Variants in DYTN observed in about 807,000 individuals in gnomAD.
The protein encoded by DYTN is dystrotelin.
A neutral mutation model predicts 69.6 loss-of-function variants in DYTN; 75 were observed. That is an observed-to-expected ratio of 1.08 (90% CI 0.89 to 1.31). The LOEUF (loss-of-function observed/expected upper bound fraction) is 1.31. Among genes scored for constraint, DYTN ranks in the 50% most tolerant of loss-of-function variants. The pLI is 0.00. For missense variants in DYTN, 726 were observed against 688.4 expected (o/e 1.05, Z -0.61); for synonymous variants, 252 against 249.1 (o/e 1.01, Z -0.11).
At chr2:206,664,726 C>T (rs1036049566) in intron 10 of DYTN, among the ~76,000 whole-genome samples, 1 of 152,180 alleles carries the variant, frequency 6.6e-6, no homozygotes, top group East Asian at 1.9e-4. Flanking sequence ...GGAAAACTTG[C>T]ATCCTACCAC....
At chr2:206,662,131 A>G (rs759094497) in intron 11 of DYTN, among the ~76,000 whole-genome samples, 20 of 152,178 alleles carry the variant, frequency 1.3e-4, no homozygotes, top group Non-Finnish European at 2.8e-4. Flanking sequence ...GATATATTCA[A>G]CACTTTATTA....
chr2:206,663,605 C>A (rs1280428551), intron 10 of DYTN, among the ~76,000 whole-genome samples: 1 of 152,072 alleles, frequency 6.6e-6, no homozygotes, highest in East Asian at 1.9e-4. Flanking sequence ...AGCTCAGATT[C>A]TAAAATAACA....
chr2:206,707,714 G>A (rs1353369346), intron 2 of DYTN, among the ~76,000 whole-genome samples: 3 of 152,114 alleles, frequency 2.0e-5, no homozygotes, highest in Non-Finnish European at 2.9e-5. Context: ...ATTTTGGAAA[G>A]GTGCATCTGT....
chr2:206,665,273 CAT>C (rs1267327332), intron 10 of DYTN, among the ~76,000 whole-genome samples: 1 of 152,060 alleles, frequency 6.6e-6, no homozygotes, highest in African/African-American at 2.4e-5. Flanking sequence ...TTTAGAAAAA[CAT>C]ATTGTTTAAA....
Position 206,693,402 on chromosome 2 carries a change from C to A in DYTN, c.832-79G>T. The A allele has an allele frequency of 2.0e-6, 3 of 1,504,060 alleles. No individual in the cohort carries two copies. In the South Asian group the frequency reaches 3.8e-5, roughly 19 times the overall value. The allele number at this position is 1,504,060 out of a possible 1,614,324, so 93.2% of individuals were successfully genotyped here. On this transcript the variant is annotated intron_variant, in intron 8 of 11. Coordinates refer to ENST00000452335, the MANE Select transcript of DYTN (RefSeq NM_001093730.1). ...TTCCTTCCTTACTTGGATGGACTGG[C>A]CACCATGAAAGTTTTTGGAATTATT...
intron 9 of DYTN, among the ~76,000 whole-genome samples, chr2:206,691,751 A>G (rs1278987052): frequency 1.3e-5 from 2 of 152,198 alleles, no homozygotes; most frequent in East Asian, 3.9e-4. Context: ...TGTGTACTTT[A>G]TCCTTTAAAG....
intron 9 of DYTN, among the ~76,000 whole-genome samples, chr2:206,692,436 C>T (rs1699875334): frequency 1.3e-5 from 2 of 152,050 alleles, no homozygotes; most frequent in South Asian, 4.2e-4. Flanking sequence ...CCCTCTGGAG[C>T]ACAATTTGGC....
chr2:206,709,321 C>T (rs967311444), intron 2 of DYTN, among the ~76,000 whole-genome samples: 5 of 152,084 alleles, frequency 3.3e-5, no homozygotes, highest in African/African-American at 1.2e-4. Flanking sequence ...TGGTGGCTCA[C>T]GCCTGTGGTC....
intron 9 of DYTN, 54 bp downstream of exon 9, chr2:206,693,121 C>A (rs2105897303): frequency 6.5e-7 from 1 of 1,545,234 alleles, no homozygotes; most frequent in East Asian, 2.4e-5. Context: ...ACCATAACAC[C>A]CAGGGCCCTT....
At chr2:206,669,480 T>C (rs913391747) in intron 9 of DYTN, among the ~76,000 whole-genome samples, 1 of 152,204 alleles carries the variant, frequency 6.6e-6, no homozygotes, top group Non-Finnish European at 1.5e-5. Flanking sequence ...GCTTCATGTT[T>C]TATTTCATTC....
chr2:206,653,111 C>T (rs1699406676), intron 11 of DYTN, among the ~76,000 whole-genome samples: 1 of 152,094 alleles, frequency 6.6e-6, no homozygotes, highest in South Asian at 2.1e-4. Context: ...AATACCGCTC[C>T]AGAGGACCTT....
intron 1 of DYTN, among the ~76,000 whole-genome samples, chr2:206,717,078 A>ACACACACAC (rs572773145): frequency 6.0e-5 from 9 of 148,962 alleles, no homozygotes; most frequent in East Asian, 4.0e-4. Context: ...ACACACACAC[A>ACACACACAC]AAACAAACTC....
intron 9 of DYTN, among the ~76,000 whole-genome samples, chr2:206,669,042 G>A (rs1246773181): frequency 1.3e-5 from 2 of 152,176 alleles, no homozygotes; most frequent in Non-Finnish European, 2.9e-5. Flanking sequence ...CCAGTCTCAG[G>A]CGTTTCTTCA....
intron 9 of DYTN, among the ~76,000 whole-genome samples, chr2:206,675,217 G>A (rs145412084): frequency 0.14 from 20,021 of 144,468 alleles, 2,327 homozygotes; most frequent in African/African-American, 0.31. Flanking sequence ...GTATTTAAGT[G>A]TATTTAAATA....
In DYTN at chr2:206,665,862, T is replaced by C; in HGVS notation, c.1140+8A>G. On this transcript the variant is annotated splice_region_variant and intron_variant, in intron 10 of 11. Coordinates refer to ENST00000452335, the MANE Select transcript of DYTN (RefSeq NM_001093730.1). ...GTCCAGATGGCCAGTGTCCCTCACA[T>C]TTTATACCTGTAGGTCCCGTCTTAT... 6.2e-7 allele frequency: 1 copy of C among 1,613,078 alleles called. No homozygotes were observed. The highest frequency in any genetic ancestry group is 8.5e-7 in the Non-Finnish European group (1 of 1,179,482).
chr2:206,653,848 T>C (rs1056234286), intron 11 of DYTN, among the ~76,000 whole-genome samples: 2 of 152,184 alleles, frequency 1.3e-5, no homozygotes, highest in African/African-American at 4.8e-5. Flanking sequence ...GCTTTCCCCA[T>C]TGCAGTAAGT....
At chr2:206,714,631 C>T (rs553091220) in intron 1 of DYTN, among the ~76,000 whole-genome samples, 1 of 152,324 alleles carries the variant, frequency 6.6e-6, no homozygotes, top group Non-Finnish European at 1.5e-5. Flanking sequence ...AGATGTCTGA[C>T]TAAGATTGGG....
At chr2:206,656,105 C>T (rs1407832615) in intron 11 of DYTN, among the ~76,000 whole-genome samples, 1 of 151,770 alleles carries the variant, frequency 6.6e-6, no homozygotes, top group Non-Finnish European at 1.5e-5. Flanking sequence ...ATTATTCTAT[C>T]ACTGTCTATT....
chr2:206,712,498 A>G (rs1700086496), intron 1 of DYTN, among the ~76,000 whole-genome samples: 1 of 152,220 alleles, frequency 6.6e-6, no homozygotes, highest in Non-Finnish European at 1.5e-5. Flanking sequence ...AGAGAGCCAC[A>G]GCTAGAACAA....
Sources: gnomAD v4.1 joint callset for allele counts (sites outside exome capture counted in the v4.1 genomes callset) on GRCh38, gnomAD v4.1.1 for gene constraint, MANE v1.5 for transcripts, NCBI Gene and HGNC (gene_info 2026-07-23, HGNC 2026-07-21) for gene names.